OR10G7: variants seen among roughly 807,000 people sequenced by gnomAD.
The protein encoded by OR10G7 is olfactory receptor 10G7.
For missense variants in OR10G7, 338 were observed against 382.1 expected (o/e 0.88, Z 0.96); for synonymous variants, 165 against 167.4 (o/e 0.99, Z 0.11).
In OR10G7 at chr11:124,038,713, C is replaced by T. The variant is rs147002134; in HGVS notation, c.289G>A (p.Val97Met). 1.0e-3 allele frequency: 1,630 copies of T among 1,613,850 alleles called. 10 individuals carry two copies. Among genetic ancestry groups the T allele is most frequent in the South Asian group, 4.4e-3 (404 of 91,008 alleles). ...SGRTISFHSC[V>M]AQLYFFHFLG... ...AAGTGGAAAAAATAGAGCTGAGCCA[C>T]GCAGCTGTGGAAGGAGATAGTCCTG... Residue 97 changes from valine (V) to methionine (M), a missense_variant, in exon 2 of 2, where the codon GTG (valine) becomes ATG (methionine). Physicochemically the swap from Val to Met is conservative, Grantham distance 21 (BLOSUM62 1). Coordinates refer to ENST00000641585, the MANE Select transcript of OR10G7 (RefSeq NM_001004463.2).
intron 1 of OR10G7, among the ~76,000 whole-genome samples, 156 bp from the exon 2 acceptor site, chr11:124,039,177 T>G (rs1206973392): frequency 2.0e-5 from 3 of 152,126 alleles, no homozygotes; most frequent in African/African-American, 7.3e-5. Flanking sequence ...TGAAGAGGAA[T>G]AGCACTTTCT....
intron 1 of OR10G7, 79 bp from the exon 2 acceptor site, chr11:124,039,100 A>G (rs1410160636): frequency 7.5e-7 from 1 of 1,340,974 alleles, no homozygotes; most frequent in Non-Finnish European, 1.0e-6. Context: ...TATTTTTCTG[A>G]TTAAGAACAA....
rs978596791 is a variant in OR10G7, at chr11:124,040,981, A to C, written c.-116T>G. On this transcript the variant is annotated 5_prime_UTR_variant, in exon 1 of 2. Coordinates refer to ENST00000641585, the MANE Select transcript of OR10G7 (RefSeq NM_001004463.2). ...GTGGTATAATTTTTCTTTTCTTGCAAAGATGAAACCACAGAAGAAACTCTT... is the reference window on the plus strand; with the variant it reads ...GTGGTATAATTTTTCTTTTCTTGCACAGATGAAACCACAGAAGAAACTCTT... The C allele has an allele frequency of 3.3e-5, 5 of 152,166 alleles. No homozygotes were observed. The highest frequency in any genetic ancestry group is 9.7e-5 in the African/African-American group (4 of 41,398). 9.4% of individuals were successfully genotyped at this position (152,166 alleles called of 1,614,324 possible). A position where few individuals can be genotyped will look rare whatever the true frequency, so the allele number is the denominator to read the frequency against.
Position 124,036,054 on chromosome 11 carries a change from A to G in OR10G7, c.*2012T>C, listed in dbSNP as rs1377096683. ...TGTATAGTATTTAACAAATACACAC[A>G]CATACACGTGAGTAAAACTAGAAAA... is the stretch of plus-strand genomic sequence containing the variant. On this transcript the variant is annotated 3_prime_UTR_variant, in exon 2 of 2. Transcript: ENST00000641585. 1 of 152,218 alleles carries G rather than the reference A, an allele frequency of 6.6e-6. No individual in the cohort carries two copies. The highest frequency in any genetic ancestry group is 2.4e-5 in the African/African-American group (1 of 41,466). The allele number at this position is 152,218 out of a possible 1,614,324, so 9.4% of individuals were successfully genotyped here.
At position 124,037,522 on chromosome 11, in the gene OR10G7, G is replaced by A. The variant is rs893487277; in HGVS notation, c.*544C>T. 2.0e-5 allele frequency: 3 copies of A among 151,918 alleles called. No homozygotes were observed. The highest frequency in any genetic ancestry group is 4.4e-5 in the Non-Finnish European group (3 of 68,044). 9.4% of individuals were successfully genotyped at this position (151,918 alleles called of 1,614,324 possible). A position where few individuals can be genotyped will look rare whatever the true frequency, so the allele number is the denominator to read the frequency against. ...TCAGAAATCTTTCAGGCCAAAGTAA[G>A]AAAAAAATATTAAAGAGTTATATGG... is the stretch of plus-strand genomic sequence containing the variant. On this transcript the variant is annotated 3_prime_UTR_variant, in exon 2 of 2. Transcript: ENST00000641585.
Position 124,038,635 on chromosome 11 carries a change from G to A in OR10G7, c.367C>T (p.Leu123=), listed in dbSNP as rs470242. The A allele has an allele frequency of 0.3, 478,160 of 1,611,912 alleles. 73,655 individuals carry two copies. The highest frequency in any genetic ancestry group is 0.35 in the Admixed American group (20,940 of 59,892). ...TACCTGAGCGGGTAACTGATGGCCA[G>A]GTAGCGATCATAGGACATGACTGTG... The part of the protein sequence containing the change: ...LYTVMSYDRY[L]AISYPLRYTN... The change falls in exon 2 of 2, where the codon CTG becomes TTG. Residue 123 remains leucine (L), a synonymous_variant. Transcript: ENST00000641585.
rs926588698 is a variant in OR10G7 at position 124,036,579 on chromosome 11, A to G, written c.*1487T>C. 1 of 152,250 alleles carries G rather than the reference A, an allele frequency of 6.6e-6. No individual in the cohort carries two copies. The highest frequency in any genetic ancestry group is 1.5e-5 in the Non-Finnish European group (1 of 68,040). The allele number at this position is 152,250 out of a possible 1,614,324, so 9.4% of individuals were successfully genotyped here. ...TAGGTAATGGTAAGTTAGATATAAC[A>G]GCGTGATGTTACAGAGAAGTGTAAG... On this transcript the variant is annotated 3_prime_UTR_variant, in exon 2 of 2. Coordinates refer to ENST00000641585, the MANE Select transcript of OR10G7 (RefSeq NM_001004463.2).
rs183338038 is a variant in OR10G7, at chr11:124,040,394, T to C, written c.-21+492A>G. On this transcript the variant is annotated intron_variant, in intron 1 of 1. Coordinates refer to ENST00000641585, the MANE Select transcript of OR10G7 (RefSeq NM_001004463.2). ...CTCAGACTCAAAGTTTTTCTTTTTTTCTTTAACGTGGACACAATGTCCCAG... is the reference window on the plus strand; with the variant it reads ...CTCAGACTCAAAGTTTTTCTTTTTTCCTTTAACGTGGACACAATGTCCCAG... Among the ~76,000 whole-genome samples the C allele has an allele frequency of 1.7e-4, 26 of 152,190 alleles. No individual in the cohort carries two copies. In the East Asian group the frequency reaches 4.2e-3, roughly 25 times the overall value.
chr11:124,038,199 T>A lies in OR10G7; in HGVS notation c.803A>T (p.His268Leu), dbSNP rs776659432. 19 of 1,614,032 alleles carry A rather than the reference T, an allele frequency of 1.2e-5. No homozygotes were observed. Among genetic ancestry groups the A allele is most frequent in the Middle Eastern group, 1.6e-4 (1 of 6,062 alleles). Residue 268 changes from histidine (H) to leucine (L), a missense_variant, in exon 2 of 2, where the codon CAT (histidine) becomes CTT (leucine). Transcript: ENST00000641585. ...GGTGTAGAAAACGGCCACAACCCCA[T>A]GCAAGGCGTCCCTGGAGCCTGGCCT... ...YLRPGSRDAL[H>L]GVVAVFYTTL... is the part of the protein sequence containing the mutation.
rs1454739844 is a variant in OR10G7 at position 124,036,162 on chromosome 11, G to A, written c.*1904C>T. On this transcript the variant is annotated 3_prime_UTR_variant, in exon 2 of 2. Transcript: ENST00000641585. ...TACAATTTTGCTAACTGTTACCATT[G>A]GGGGAAACTGGGCAAGGTATAACAA... 1.3e-5 allele frequency: 2 copies of A among 152,040 alleles called. No homozygotes were observed. The highest frequency in any genetic ancestry group is 6.6e-5 in the Admixed American group (1 of 15,260). 9.4% of individuals were successfully genotyped at this position (152,040 alleles called of 1,614,324 possible).
Position 124,038,642 on chromosome 11 carries a change from A to G in OR10G7, c.360T>C (p.Asp120=), listed in dbSNP as rs758023769. ...GCGGGTAACTGATGGCCAGGTAGCG[A>G]TCATAGGACATGACTGTGTAGAGGA... ...ECFLYTVMSY[D]RYLAISYPLR... The change falls in exon 2 of 2, where the codon GAT becomes GAC. Residue 120 remains aspartate (D), a synonymous_variant. Transcript: ENST00000641585. The G allele has an allele frequency of 1.3e-5, 21 of 1,613,864 alleles. 1 individual carries two copies. In the African/African-American group the frequency reaches 2.5e-4, roughly 20 times the overall value.
At position 124,038,658 on chromosome 11, in the gene OR10G7, G is replaced by T. The variant is rs1395831154; in HGVS notation, c.344C>A (p.Thr115Lys). 1 of 1,613,848 alleles carries T rather than the reference G, an allele frequency of 6.2e-7. No homozygotes were observed. Among genetic ancestry groups the T allele is most frequent in the South Asian group, 1.1e-5 (1 of 91,084 alleles). The part of the protein sequence containing the change: ...FLGSTECFLY[T>K]VMSYDRYLAI... ...CAGGTAGCGATCATAGGACATGACTGTGTAGAGGAAACACTCGGTGCTCCC... is the reference window on the plus strand; with the variant it reads ...CAGGTAGCGATCATAGGACATGACTTTGTAGAGGAAACACTCGGTGCTCCC... The change falls in exon 2 of 2, where the codon ACA becomes AAA. Residue 115 changes from threonine to lysine, a missense_variant. Thr to Lys is a moderately conservative substitution (Grantham distance 78). Coordinates refer to ENST00000641585, the MANE Select transcript of OR10G7 (RefSeq NM_001004463.2).
At chr11:124,039,076 A>T in intron 1 of OR10G7, 55 bp from the exon 2 acceptor site, 2 of 1,470,762 alleles carry the variant, frequency 1.4e-6, no homozygotes, top group Non-Finnish European at 9.2e-7. Context: ...GTTTTATATG[A>T]AATATGGCAA....
intron 1 of OR10G7, among the ~76,000 whole-genome samples, chr11:124,039,312 A>G (rs1359694735): frequency 6.6e-6 from 1 of 152,064 alleles, no homozygotes; most frequent in Non-Finnish European, 1.5e-5. Context: ...ATATACTCAA[A>G]TTAACAACAC....
rs764931043 is a variant in OR10G7, at chr11:124,038,992, C to A, written c.10G>T (p.Ala4Ser). 10 of 1,612,424 alleles carry A rather than the reference C, an allele frequency of 6.2e-6. No individual in the cohort carries two copies. The highest frequency in any genetic ancestry group is 8.5e-6 in the Non-Finnish European group (10 of 1,178,872). Residue 4 changes from alanine to serine, a missense_variant, in exon 2 of 2, where the codon GCC becomes TCC. Transcript: ENST00000641585. MSN[A>S]TLLTAFILTG... ...AGGATGAACGCTGTCAGTAGGGTGG[C>A]GTTGGACATTTCTTCTCATATATGG...
rs1318559964 is a variant in OR10G7 at position 124,036,380 on chromosome 11, T to C, written c.*1686A>G. The C allele has an allele frequency of 6.6e-6, 1 of 152,206 alleles. No homozygotes were observed. The allele number at this position is 152,206 out of a possible 1,614,324, so 9.4% of individuals were successfully genotyped here. ...CATCTTTCCAAGTCAAAACTAATAA[T>C]GAATCTCTCCTTGGGCATCCATTGC... is the stretch of plus-strand genomic sequence containing the variant. On this transcript the variant is annotated 3_prime_UTR_variant, in exon 2 of 2. Coordinates refer to ENST00000641585, the MANE Select transcript of OR10G7 (RefSeq NM_001004463.2).
Position 124,041,237 on chromosome 11 carries a change from C to T in OR10G7, c.-372G>A, listed in dbSNP as rs1000884294. Reference sequence around the variant, plus strand: ...CTATGACACTCTGGATCTGAAAACTCCTTGTGCAGGGAATGATTTTTTTCC... The same window carrying T: ...CTATGACACTCTGGATCTGAAAACTTCTTGTGCAGGGAATGATTTTTTTCC... On this transcript the variant is annotated 5_prime_UTR_variant, in exon 1 of 2. Coordinates refer to ENST00000641585, the MANE Select transcript of OR10G7 (RefSeq NM_001004463.2). The T allele has an allele frequency of 6.6e-6, 1 of 152,058 alleles. No individual in the cohort carries two copies. Among genetic ancestry groups the T allele is most frequent in the South Asian group, 2.1e-4 (1 of 4,828 alleles). The allele number at this position is 152,058 out of a possible 1,614,324, so 9.4% of individuals were successfully genotyped here.
Position 124,038,264 on chromosome 11 carries a change from C to T in OR10G7, c.738G>A (p.Val246=), listed in dbSNP as rs142080661. The part of the protein sequence containing the change: ...AFQTCASHCI[V]VLCFFGPGLF... The stretch of plus-strand genomic sequence containing the variant: ...GACCAGGGCCAAAGAAGCAAAGGAC[C>T]ACGATACAGTGGGAGGCACAGGTCT... Residue 246 remains valine (V), a synonymous_variant, in exon 2 of 2, where the codon GTG becomes GTA. Transcript: ENST00000641585. 9.8e-4 allele frequency: 1,574 copies of T among 1,614,078 alleles called. 12 individuals are homozygous for T. Among genetic ancestry groups the T allele is most frequent in the South Asian group, 9.6e-3 (871 of 91,082 alleles).
chr11:124,039,785 G>T (rs1227870936), intron 1 of OR10G7, among the ~76,000 whole-genome samples: 1 of 152,128 alleles, frequency 6.6e-6, no homozygotes, highest in South Asian at 2.1e-4. Context: ...TTCCTGTCAC[G>T]TCAGCAGGGG....
Sources: allele counts gnomAD v4.1 joint callset (sites outside exome capture counted in the v4.1 genomes callset), GRCh38; gene constraint gnomAD v4.1.1; transcripts MANE v1.5; gene names NCBI Gene and HGNC (gene_info 2026-07-23, HGNC 2026-07-21).